HSD3B7: variants seen among roughly 807,000 people sequenced by gnomAD.
HSD3B7 encodes 3 beta-hydroxysteroid dehydrogenase type 7.
In HSD3B7, 35 loss-of-function variants were observed where a neutral mutation model predicts 34.3. That is an observed-to-expected ratio of 1.02 (90% CI 0.78 to 1.35). The LOEUF is 1.35. Ranked by LOEUF, HSD3B7 falls within the 40% of genes most tolerant of loss-of-function variation. The probability of loss-of-function intolerance (pLI) is 0.00; values close to 1 mark genes in which losing one functional copy is unlikely to be tolerated. For missense variants in HSD3B7, 426 were observed against 504.7 expected (o/e 0.84, Z 1.49); for synonymous variants, 217 against 220.1 (o/e 0.99, Z 0.13).
rs1430306183 is a variant in HSD3B7 at position 30,988,381 on chromosome 16, G to C, written c.*198G>C. The C allele has an allele frequency of 1.7e-6, 1 of 593,224 alleles. No homozygotes were observed. The highest frequency in any genetic ancestry group is 3.0e-6 in the Non-Finnish European group (1 of 335,336). 36.7% of individuals were successfully genotyped at this position (593,224 alleles called of 1,614,324 possible). On this transcript the variant is annotated 3_prime_UTR_variant, in exon 7 of 7. Transcript: ENST00000297679. ...AGGGTCTTGCTCTGTCACCCAGACT[G>C]GAGTGCAGTGGTGTGATCATAGCTC...
At chr16:30,985,966 G>A (rs758483886) in intron 2 of HSD3B7, 83 bp from the exon 3 acceptor site, 93 of 1,580,880 alleles carry the variant, frequency 5.9e-5, no homozygotes, top group Admixed American at 8.5e-5. Context: ...CATTGGGAAC[G>A]TGACTCCAGG....
intron 2 of HSD3B7, 73 bp downstream of exon 2, chr16:30,985,897 C>G: frequency 1.3e-6 from 2 of 1,584,802 alleles, no homozygotes; most frequent in Non-Finnish European, 1.7e-6. Flanking sequence ...GGGATCCCCA[C>G]CCCTGCAGTG....
rs1335379727 is a variant in HSD3B7 at position 30,988,102 on chromosome 16, C to T, written c.1029C>T (p.Gly343=). 1 of 1,605,970 alleles carries T rather than the reference C, an allele frequency of 6.2e-7. No individual in the cohort carries two copies. The highest frequency in any genetic ancestry group is 8.5e-7 in the Non-Finnish European group (1 of 1,178,386). ...VSTDKAQRHF[G]YEPLFSWEDS... ...CCGACAAGGCTCAGCGCCATTTCGG[C>T]TATGAGCCCCTGTTCTCGTGGGAGG... Residue 343 remains glycine (G), a synonymous_variant, in exon 7 of 7, where the codon GGC becomes GGT. Transcript: ENST00000297679.
At chr16:30,987,522 C>T in intron 6 of HSD3B7, 1 of 586,816 alleles carries the variant, frequency 1.7e-6, no homozygotes, top group Non-Finnish European at 3.0e-6. Context: ...AGTCCCCAAG[C>T]CTCTCAGGGC....
chr16:30,985,480 T>A, intron 1 of HSD3B7, 173 bp from the exon 2 acceptor site: 1 of 1,487,812 alleles, frequency 6.7e-7, no homozygotes, highest in Non-Finnish European at 8.9e-7. Flanking sequence ...TCTCCGTAAC[T>A]CAGCCATCAG....
At chr16:30,986,311 C>CCTG (rs2056476453) in intron 3 of HSD3B7, 107 bp downstream of exon 3, 2 of 1,546,628 alleles carry the variant, frequency 1.3e-6, no homozygotes, top group African/African-American at 1.4e-5. Flanking sequence ...TATTGACAGC[C>CCTG]CTGCCCCCGC....
At position 30,987,133 on chromosome 16, in the gene HSD3B7, C is replaced by T. The variant is rs1198186823; in HGVS notation, c.694+131C>T. 1.1e-5 allele frequency: 10 copies of T among 887,526 alleles called. 1 individual carries two copies. The East Asian group carries it at 1.9e-4, about 16-fold the overall frequency. 55.0% of individuals were successfully genotyped at this position (887,526 alleles called of 1,614,324 possible). ...TAGAAAAATATGGTCTATACATGGGCCAAGGTAGACTGTGATTATGTCTCC... is the reference window on the plus strand; with the variant it reads ...TAGAAAAATATGGTCTATACATGGGTCAAGGTAGACTGTGATTATGTCTCC... On this transcript the variant is annotated intron_variant, in intron 6 of 6. Transcript: ENST00000297679.
chr16:30,986,401 G>A (rs1487091675), intron 3 of HSD3B7, 22 bp from the exon 4 acceptor site: 2 of 1,606,324 alleles, frequency 1.2e-6, no homozygotes, highest in African/African-American at 1.3e-5. Flanking sequence ...CTGCAGCTTG[G>A]ATACGCCTCC....
rs1291838137 is a variant in HSD3B7, at chr16:30,986,188, T to C, written c.306T>C (p.His102=). ...GCAGGGCCAGTCCCAAGACCATCCA[T>C]GAGGTCAACGTGCAGGGTGAGGAGC... The part of the protein sequence containing the change: ...VFGRASPKTI[H]EVNVQGTRNV... Residue 102 remains histidine, a synonymous_variant, in exon 3 of 7, where the codon CAT becomes CAC. Coordinates refer to ENST00000297679, the MANE Select transcript of HSD3B7 (RefSeq NM_025193.4). 1 of 1,613,854 alleles carries C rather than the reference T, an allele frequency of 6.2e-7. No individual in the cohort carries two copies. The highest frequency in any genetic ancestry group is 8.5e-7 in the Non-Finnish European group (1 of 1,179,800).
chr16:30,987,980 G>T lies in HSD3B7; in HGVS notation c.907G>T (p.Ala303Ser). 6.2e-7 allele frequency: 1 copy of T among 1,611,242 alleles called. No homozygotes were observed. The highest frequency in any genetic ancestry group is 8.5e-7 in the Non-Finnish European group (1 of 1,179,998). ...GCTGGTGTTCCTGGCTGCCCTCAAT[G>T]CCCTGCTGCAGTGGCTGCTGCGGCC... The part of the protein sequence containing the change: ...WLLVFLAALN[A>S]LLQWLLRPLV... The change falls in exon 7 of 7, where the codon GCC (alanine) becomes TCC (serine). Residue 303 changes from alanine (A) to serine (S), a missense_variant. Transcript: ENST00000297679.
Position 30,987,738 on chromosome 16 carries a change from G to T in HSD3B7, c.695-30G>T, listed in dbSNP as rs369819459. On this transcript the variant is annotated intron_variant, in intron 6 of 6. Coordinates refer to ENST00000297679, the MANE Select transcript of HSD3B7 (RefSeq NM_025193.4). The stretch of plus-strand genomic sequence containing the variant: ...TGTGGTGTTGCAAGGGCACTCAGGG[G>T]TGTGTCCGCCTCTCTTCCGCCACCG... 3.7e-6 allele frequency: 6 copies of T among 1,606,368 alleles called. No homozygotes were observed. In the South Asian group the frequency reaches 6.6e-5, roughly 18 times the overall value.
chr16:30,987,187 C>T, intron 6 of HSD3B7, 185 bp downstream of exon 6: 1 of 638,674 alleles, frequency 1.6e-6, no homozygotes, highest in Non-Finnish European at 2.7e-6. Flanking sequence ...AGGATCCATG[C>T]AAGTTGGGAC....
Position 30,987,994 on chromosome 16 carries a change from G to C in HSD3B7, c.921G>C (p.Trp307Cys), listed in dbSNP as rs781672866. The change falls in exon 7 of 7, where the codon TGG becomes TGC. Residue 307 changes from tryptophan (W) to cysteine (C), a missense_variant. Coordinates refer to ENST00000297679, the MANE Select transcript of HSD3B7 (RefSeq NM_025193.4). ...CTGCCCTCAATGCCCTGCTGCAGTGGCTGCTGCGGCCACTGGTGCTCTACG... is the reference window on the plus strand; with the variant it reads ...CTGCCCTCAATGCCCTGCTGCAGTGCCTGCTGCGGCCACTGGTGCTCTACG... Reference protein sequence around the residue: ...FLAALNALLQWLLRPLVLYAP... With the variant: ...FLAALNALLQCLLRPLVLYAP... 2 of 1,609,956 alleles carry C rather than the reference G, an allele frequency of 1.2e-6. No homozygotes were observed. Among genetic ancestry groups the C allele is most frequent in the African/African-American group, 1.3e-5 (1 of 75,058 alleles).
Position 30,986,641 on chromosome 16 carries a change from G to C in HSD3B7, c.468G>C (p.Arg156Ser). 2 of 1,614,172 alleles carry C rather than the reference G, an allele frequency of 1.2e-6. No individual in the cohort carries two copies. The highest frequency in any genetic ancestry group is 8.5e-7 in the Non-Finnish European group (1 of 1,180,026). The change falls in exon 5 of 7, where the codon AGG becomes AGC. Residue 156 changes from arginine (R) to serine (S), a missense_variant. Physicochemically the swap from Arg to Ser is moderately radical, Grantham distance 110. Transcript: ENST00000297679. ...ACACCCCATACGAAGCAGTGCACAG[G>C]CACCCCTATCCTTGCAGCAAGGCCC... ...NEDTPYEAVH[R>S]HPYPCSKALA...
rs1020721996 is a variant in HSD3B7 at position 30,985,834 on chromosome 16, G to T, written c.166+10G>T. The T allele has an allele frequency of 6.3e-7, 1 of 1,596,310 alleles. No homozygotes were observed. Among genetic ancestry groups the T allele is most frequent in the African/African-American group, 1.3e-5 (1 of 74,818 alleles). ...GAGGAGCTGAAGACAGGTTCTTGTT[G>T]GGGGAGCTTGTGGTGGAGAGGGTGT... On this transcript the variant is annotated intron_variant, in intron 2 of 6. Coordinates refer to ENST00000297679, the MANE Select transcript of HSD3B7 (RefSeq NM_025193.4).
chr16:30,988,986 ACTGT>A lies in HSD3B7; in HGVS notation c.*810_*813del, dbSNP rs1288807715. ...TTGTTTTTCAAAGGCCTCACCTTCAACTGTCTGTCTTAGAATTCCCCTCTGGAGG... is the reference window on the plus strand; with the variant it reads ...TTGTTTTTCAAAGGCCTCACCTTCAACTGTCTTAGAATTCCCCTCTGGAGG... On this transcript the variant is annotated 3_prime_UTR_variant, in exon 7 of 7. Coordinates refer to ENST00000297679, the MANE Select transcript of HSD3B7 (RefSeq NM_025193.4). 2.0e-5 allele frequency: 3 copies of A among 152,242 alleles called. No homozygotes were observed. The highest frequency in any genetic ancestry group is 1.3e-4 in the Admixed American group (2 of 15,274). 9.4% of individuals were successfully genotyped at this position (152,242 alleles called of 1,614,324 possible). A position where few individuals can be genotyped will look rare whatever the true frequency, so the allele number is the denominator to read the frequency against.
At chr16:30,987,498 C>T in intron 6 of HSD3B7, 1 of 563,566 alleles carries the variant, frequency 1.8e-6, no homozygotes, top group East Asian at 3.0e-5. Flanking sequence ...AGGTCACCTG[C>T]CACTCCATCC....
rs1202180563 is a variant in HSD3B7, at chr16:30,987,828, T to C, written c.755T>C (p.Met252Thr). The stretch of plus-strand genomic sequence containing the variant: ...GAGCTGGAGCAGCGGGCAACCCTGA[T>C]GGGCGGCCAGGTATACTTCTGCTAC... ...ARELEQRATL[M>T]GGQVYFCYDG... Residue 252 changes from methionine to threonine, a missense_variant, in exon 7 of 7, where the codon ATG becomes ACG. Transcript: ENST00000297679. 1.9e-6 allele frequency: 3 copies of C among 1,613,262 alleles called. No homozygotes were observed. The African/African-American group carries it at 4.0e-5, about 22-fold the overall frequency.
At position 30,985,683 on chromosome 16, in the gene HSD3B7, A is replaced by C. The variant is rs763562894; in HGVS notation, c.25A>C (p.Lys9Gln). Residue 9 changes from lysine to glutamine, a missense_variant, in exon 2 of 7, where the codon AAG becomes CAG. By Grantham distance (53) the Lys-to-Gln change is moderately conservative. Coordinates refer to ENST00000297679, the MANE Select transcript of HSD3B7 (RefSeq NM_025193.4). ...CATGGCCGACTCTGCACAGGCCCAG[A>C]AGCTGGTGTACCTGGTCACAGGGGG... MADSAQAQKLVYLVTGGCG... is the reference protein window; with the variant it reads MADSAQAQQLVYLVTGGCG... 6.2e-7 allele frequency: 1 copy of C among 1,607,816 alleles called. No individual in the cohort carries two copies. Among genetic ancestry groups the C allele is most frequent in the Non-Finnish European group, 8.5e-7 (1 of 1,179,376 alleles).
Sources: gnomAD v4.1 joint callset for allele counts on GRCh38, gnomAD v4.1.1 for gene constraint, MANE v1.5 for transcripts, NCBI Gene and HGNC (gene_info 2026-07-23, HGNC 2026-07-21) for gene names.